Variants in DCAF8L2 observed in about 807,000 individuals in gnomAD.
The protein encoded by DCAF8L2 is DDB1- and CUL4-associated factor 8-like protein 2.
For synonymous variants in DCAF8L2, 200 were observed against 190.9 expected (o/e 1.05, Z -0.39); for missense variants, 430 against 490.7 (o/e 0.88, Z 1.17).
chrX:27,481,338 A>G, the DCAF8L2 span, among the ~76,000 whole-genome samples: 3 of 110,917 alleles, frequency 2.7e-5, no homozygotes, highest in African/African-American at 9.9e-5. Flanking sequence ...AGATCACACC[A>G]TTGCACTCCA....
At chrX:27,559,832 C>T in the DCAF8L2 span, among the ~76,000 whole-genome samples, 1 of 112,036 alleles carries the variant, frequency 8.9e-6, no homozygotes, top group African/African-American at 3.2e-5. Context: ...TGTCCATCCA[C>T]ACATCTCTAC....
At chrX:27,559,356 A>G in the DCAF8L2 span, among the ~76,000 whole-genome samples, 2 of 111,813 alleles carry the variant, frequency 1.8e-5, no homozygotes. Context: ...CCTTTCAGGC[A>G]GTAAAGGCAA....
the DCAF8L2 span, among the ~76,000 whole-genome samples, chrX:27,542,474 T>C: frequency 9.1e-6 from 1 of 109,700 alleles, no homozygotes; most frequent in Non-Finnish European, 1.9e-5. Context: ...TTTTTTCATA[T>C]GTTTGTTAGC....
the DCAF8L2 span, among the ~76,000 whole-genome samples, chrX:27,574,876 C>T: frequency 5.4e-5 from 6 of 111,359 alleles, no homozygotes; most frequent in South Asian, 7.6e-4. Context: ...GCTCCTGAAG[C>T]CCCAATGGGT....
chrX:27,696,310 GAAAGAAAGAAAGAAAGAAAGAAAA>G (rs764586036), intron 3 of DCAF8L2, among the ~76,000 whole-genome samples: 11,230 of 86,188 alleles, frequency 0.13, 622 homozygotes, highest in East Asian at 0.18. Context: ...AAGAAAGAAA[GAAAGAAAGAAAGAAAGAAAGAAAA>G]AGAAAGAAAG....
chrX:27,622,271 A>G (rs1357370179), intron 1 of DCAF8L2, among the ~76,000 whole-genome samples: 2 of 101,558 alleles, frequency 2.0e-5, no homozygotes, highest in Non-Finnish European at 3.9e-5. Context: ...AAAAATACAA[A>G]AAAATTAGCC....
chrX:27,702,992 G>T (rs1931187789), intron 3 of DCAF8L2, among the ~76,000 whole-genome samples: 1 of 111,759 alleles, frequency 8.9e-6, no homozygotes, highest in South Asian at 3.7e-4. Context: ...GACAAGTTCA[G>T]CAAGGCTGAA....
the DCAF8L2 span, among the ~76,000 whole-genome samples, chrX:27,471,663 A>G: frequency 9.0e-6 from 1 of 111,019 alleles, no homozygotes; most frequent in East Asian, 2.8e-4. Flanking sequence ...CTCTAACATT[A>G]CCCTATTTCA....
At chrX:27,496,389 G>T in the DCAF8L2 span, among the ~76,000 whole-genome samples, 1 of 111,471 alleles carries the variant, frequency 9.0e-6, no homozygotes, top group Non-Finnish European at 1.9e-5. Flanking sequence ...TTTTGTTCCT[G>T]TTCCCTGCCA....
At chrX:27,548,445 A>C in the DCAF8L2 span, among the ~76,000 whole-genome samples, 107 of 111,837 alleles carry the variant, frequency 9.6e-4, 1 homozygote, top group African/African-American at 3.4e-3. Context: ...TACAAATAGA[A>C]GAGAGAAATA....
intron 2 of DCAF8L2, among the ~76,000 whole-genome samples, chrX:27,671,557 T>C (rs147199517): frequency 7.1e-4 from 79 of 111,839 alleles, no homozygotes; most frequent in African/African-American, 2.5e-3. Context: ...ATAGTGAACA[T>C]TTTTATCTGT....
At chrX:27,545,122 G>T in the DCAF8L2 span, among the ~76,000 whole-genome samples, 2 of 111,661 alleles carry the variant, frequency 1.8e-5, no homozygotes, top group African/African-American at 6.5e-5. Context: ...TTTAGCTTCG[G>T]CTTGATTCCA....
the DCAF8L2 span, among the ~76,000 whole-genome samples, chrX:27,528,128 T>G: frequency 1.2e-5 from 1 of 81,075 alleles, no homozygotes; most frequent in East Asian, 3.3e-4. Context: ...TATTAAATTA[T>G]AATTAAATTA....
At chrX:27,540,486 G>A in the DCAF8L2 span, among the ~76,000 whole-genome samples, 16 of 111,353 alleles carry the variant, frequency 1.4e-4, no homozygotes, top group African/African-American at 5.2e-4. Context: ...GATAAATACT[G>A]CATGTTCTCA....
chrX:27,649,387 T>C (rs1286309706), intron 2 of DCAF8L2, among the ~76,000 whole-genome samples: 2 of 112,493 alleles, frequency 1.8e-5, no homozygotes, highest in African/African-American at 3.2e-5. Context: ...ATCTCCAAAC[T>C]ACTTTCCACA....
the DCAF8L2 span, among the ~76,000 whole-genome samples, chrX:27,473,662 A>G: frequency 1.8e-5 from 2 of 109,963 alleles, no homozygotes; most frequent in Admixed American, 9.8e-5. Context: ...TTTTTTTTTA[A>G]TCTTCACAAC....
At chrX:27,625,303 C>G (rs1927957955) in intron 1 of DCAF8L2, among the ~76,000 whole-genome samples, 1 of 111,808 alleles carries the variant, frequency 8.9e-6, no homozygotes, top group South Asian at 3.7e-4. Context: ...GAGATACCAT[C>G]TCACACCAGT....
At chrX:27,671,117 A>G (rs1200834160) in intron 2 of DCAF8L2, among the ~76,000 whole-genome samples, 1 of 111,586 alleles carries the variant, frequency 9.0e-6, no homozygotes, top group African/African-American at 3.3e-5. Context: ...CAAAATACAG[A>G]GGATTCTGTT....
chrX:27,519,890 A>G, the DCAF8L2 span: 1 of 268,012 alleles, frequency 3.7e-6, no homozygotes, highest in Admixed American at 6.1e-5. Flanking sequence ...TATTTTAATT[A>G]TATACTTTTT....
Sources: allele counts gnomAD v4.1 joint callset (sites outside exome capture counted in the v4.1 genomes callset), GRCh38; gene constraint gnomAD v4.1.1; transcripts MANE v1.5; gene names NCBI Gene and HGNC (gene_info 2026-07-23, HGNC 2026-07-21).